The following WDR7 variants were observed in gnomAD, a reference collection of about 807,000 sequenced individuals.
WDR7 encodes the protein WD repeat domain 7, also known as WD repeat-containing protein 7.
A neutral mutation model predicts 169.4 loss-of-function variants in WDR7; 46 were observed. The ratio of observed to expected loss-of-function variants is 0.27; its 90% CI spans 0.21 to 0.35. The LOEUF is 0.35. Among genes scored for constraint, WDR7 ranks in the 10% least tolerant of loss-of-function variants. The pLI is 1.00. For missense variants in WDR7, 1,534 were observed against 1,859.3 expected (o/e 0.83, Z 3.22); for synonymous variants, 612 against 666.8 (o/e 0.92, Z 1.27).
At chr18:56,671,240 A>G (rs1217642230) in intron 1 of WDR7, among the ~76,000 whole-genome samples, 1 of 151,964 alleles carries the variant, frequency 6.6e-6, no homozygotes, top group Admixed American at 6.6e-5. Flanking sequence ...ACCTTCAGGC[A>G]TAACGGGTTT....
intron 19 of WDR7, among the ~76,000 whole-genome samples, chr18:56,798,645 AG>A (rs1324933261): frequency 1.3e-5 from 2 of 152,208 alleles, no homozygotes; most frequent in African/African-American, 2.4e-5. Context: ...ACTGCGGTTA[AG>A]TAGGTAGTAT....
intron 20 of WDR7, among the ~76,000 whole-genome samples, chr18:56,849,004 A>T (rs1310945017): frequency 6.6e-6 from 1 of 152,178 alleles, no homozygotes; most frequent in African/African-American, 2.4e-5. Context: ...GTTCCCTCTT[A>T]CAGTTTCCAA....
At chr18:56,816,237 C>A in intron 20 of WDR7, 93 bp downstream of exon 20, 1 of 1,106,140 alleles carries the variant, frequency 9.0e-7, no homozygotes, top group African/African-American at 1.6e-5. Flanking sequence ...AGTATTTCGA[C>A]GGAAAGGATG....
intron 27 of WDR7, among the ~76,000 whole-genome samples, chr18:57,024,471 A>G (rs1373208855): frequency 6.6e-6 from 1 of 152,126 alleles, no homozygotes; most frequent in African/African-American, 2.4e-5. Context: ...TTTAGTGAAC[A>G]TGGGGGTCTT....
chr18:57,026,987 C>T lies in WDR7; in HGVS notation c.4270-17C>T. ...GAGGGCTGTTCAAGTGACACATGTG[C>T]TCTCCTGTCCCTCCAGATGAACACG... On this transcript the variant is annotated splice_polypyrimidine_tract_variant and intron_variant, in intron 27 of 27. Transcript: ENST00000254442. The T allele has an allele frequency of 6.2e-7, 1 of 1,609,412 alleles. No individual in the cohort carries two copies. The highest frequency in any genetic ancestry group is 8.5e-7 in the Non-Finnish European group (1 of 1,177,370).
intron 26 of WDR7, among the ~76,000 whole-genome samples, chr18:56,988,435 T>G (rs2047757078): frequency 6.6e-6 from 1 of 152,226 alleles, no homozygotes; most frequent in Non-Finnish European, 1.5e-5. Flanking sequence ...AATTGTTAGT[T>G]CAGGTCTCAG....
At chr18:56,683,162 G>A (rs529975938) in intron 5 of WDR7, among the ~76,000 whole-genome samples, 36 of 152,218 alleles carry the variant, frequency 2.4e-4, no homozygotes, top group African/African-American at 8.4e-4. Context: ...CCTTTGGGAA[G>A]AGCTGTAGTT....
chr18:56,899,728 T>A (rs2046375435), intron 21 of WDR7, among the ~76,000 whole-genome samples: 1 of 152,096 alleles, frequency 6.6e-6, no homozygotes, highest in African/African-American at 2.4e-5. Context: ...AAAATCATTC[T>A]AGACTGTACA....
At chr18:56,969,928 G>C (rs537311569) in intron 26 of WDR7, among the ~76,000 whole-genome samples, 1 of 152,128 alleles carries the variant, frequency 6.6e-6, no homozygotes, top group Non-Finnish European at 1.5e-5. Flanking sequence ...AGTAGATTCT[G>C]AAACTGAGCT....
At chr18:56,918,136 T>G (rs963992148) in intron 21 of WDR7, among the ~76,000 whole-genome samples, 4 of 152,324 alleles carry the variant, frequency 2.6e-5, no homozygotes, top group Admixed American at 6.5e-5. Flanking sequence ...ACAGAGGTGG[T>G]GCTGAGATGT....
At chr18:56,896,082 A>G (rs2046328929) in intron 21 of WDR7, among the ~76,000 whole-genome samples, 1 of 151,848 alleles carries the variant, frequency 6.6e-6, no homozygotes, top group Non-Finnish European at 1.5e-5. Context: ...TAGTAAATCA[A>G]CTAGACAATA....
intron 21 of WDR7, among the ~76,000 whole-genome samples, chr18:56,920,343 T>C (rs927218607): frequency 6.6e-6 from 1 of 152,220 alleles, no homozygotes; most frequent in Non-Finnish European, 1.5e-5. Context: ...AGCTTGTGCT[T>C]ATAAAAATTA....
chr18:56,800,318 C>T (rs2044651056), intron 19 of WDR7, among the ~76,000 whole-genome samples: 1 of 152,102 alleles, frequency 6.6e-6, no homozygotes, highest in African/African-American at 2.4e-5. Context: ...TCTATAGATG[C>T]ATTATGCTCA....
intron 21 of WDR7, among the ~76,000 whole-genome samples, chr18:56,912,279 AG>A (rs1280906352): frequency 2.0e-5 from 3 of 152,216 alleles, no homozygotes; most frequent in African/African-American, 7.2e-5. Context: ...CTTCATTTTT[AG>A]TGAGAAATCC....
At chr18:56,838,532 G>T (rs2145314955) in intron 20 of WDR7, among the ~76,000 whole-genome samples, 1 of 152,034 alleles carries the variant, frequency 6.6e-6, no homozygotes, top group Admixed American at 6.5e-5. Context: ...TTTGATCCTG[G>T]GACACCCAAG....
chr18:56,863,575 A>G (rs2045839072), intron 20 of WDR7, among the ~76,000 whole-genome samples: 2 of 151,748 alleles, frequency 1.3e-5, no homozygotes, highest in South Asian at 4.1e-4. Flanking sequence ...TTCCTGGCAA[A>G]TTATTATAAT....
chr18:56,904,975 T>C (rs1473326092), intron 21 of WDR7, among the ~76,000 whole-genome samples: 1 of 152,180 alleles, frequency 6.6e-6, no homozygotes, highest in African/African-American at 2.4e-5. Context: ...AAGAAGAAAG[T>C]AGATAGATAG....
intron 20 of WDR7, among the ~76,000 whole-genome samples, chr18:56,843,682 T>G (rs2045520874): frequency 6.6e-6 from 1 of 152,106 alleles, no homozygotes; most frequent in Non-Finnish European, 1.5e-5. Context: ...TTCAGTTATT[T>G]TAGGTACACA....
chr18:57,003,962 A>G (rs1386968467), intron 26 of WDR7, among the ~76,000 whole-genome samples: 1 of 151,770 alleles, frequency 6.6e-6, no homozygotes, highest in Non-Finnish European at 1.5e-5. Flanking sequence ...TATACCCTTC[A>G]CATTATATGT....
Sources: gnomAD v4.1 joint callset for allele counts (sites outside exome capture counted in the v4.1 genomes callset) on GRCh38, gnomAD v4.1.1 for gene constraint, MANE v1.5 for transcripts, NCBI Gene and HGNC (gene_info 2026-07-23, HGNC 2026-07-21) for gene names.